CD72: variants seen among roughly 807,000 people sequenced by gnomAD.
CD72 encodes the protein CD72 molecule.
A neutral mutation model predicts 50.7 loss-of-function variants in CD72; 28 were observed. That is an observed-to-expected ratio of 0.55 (90% CI 0.41 to 0.76). The LOEUF (loss-of-function observed/expected upper bound fraction) is 0.76, where lower values mean the gene tolerates loss of function less well. CD72 is among the 30% of genes least tolerant of loss of function. The probability of loss-of-function intolerance (pLI) is 0.00; values close to 1 mark genes in which losing one functional copy is unlikely to be tolerated. For missense variants in CD72, 403 were observed against 420.6 expected, an observed-to-expected ratio of 0.96 and a Z score of 0.37; for synonymous variants, 176 against 171.2, an observed-to-expected ratio of 1.03 and a Z score of -0.22.
chr9:35,616,570 T>A, intron 4 of CD72, 30 bp downstream of exon 4: 1 of 1,558,562 alleles, frequency 6.4e-7, no homozygotes, highest in Non-Finnish European at 8.9e-7. Flanking sequence ...TCGTTCGGTG[T>A]AAGTGGGAAG....
At position 35,616,118 on chromosome 9, in the gene CD72, T is replaced by C; in HGVS notation, c.513A>G (p.Leu171=). 6.2e-7 allele frequency: 1 copy of C among 1,614,184 alleles called. No individual in the cohort carries two copies. The highest frequency in any genetic ancestry group is 8.5e-7 in the Non-Finnish European group (1 of 1,180,028). The change falls in exon 5 of 9, where the codon CTA becomes CTG. Residue 171 remains leucine (L), a synonymous_variant. Coordinates refer to ENST00000259633, the MANE Select transcript of CD72 (RefSeq NM_001782.3). The part of the protein sequence containing the change: ...RRELAQSQEA[L]QVEQRAHQAA... Reference sequence around the variant, plus strand: ...CCTGATGAGCCCTCTGTTCCACCTGTAGTGCTTCCTGACTCTGCGCCAGCT... The same window carrying C: ...CCTGATGAGCCCTCTGTTCCACCTGCAGTGCTTCCTGACTCTGCGCCAGCT...
chr9:35,610,386 C>T, intron 8 of CD72, 86 bp from the exon 9 acceptor site: 1 of 458,188 alleles, frequency 2.2e-6, no homozygotes, highest in Non-Finnish European at 3.9e-6. Context: ...CAGCTCTCGA[C>T]AGCCACACCA....
At chr9:35,619,091 T>G (rs1823115323), upstream of CD72, among the ~76,000 whole-genome samples, 1 of 152,100 alleles carries the variant, frequency 6.6e-6, no homozygotes, top group Non-Finnish European at 1.5e-5. Context: ...GTCTTGACAT[T>G]TTCTTGGTTT....
chr9:35,628,909 C>G (rs1344317717), intron 1 of CD72, among the ~76,000 whole-genome samples: 3 of 152,042 alleles, frequency 2.0e-5, no homozygotes, highest in African/African-American at 7.2e-5. Flanking sequence ...GGATCTTGCT[C>G]TGTTGCCCAG....
intron 1 of CD72, among the ~76,000 whole-genome samples, chr9:35,644,700 G>A (rs541241462): frequency 2.2e-4 from 34 of 152,248 alleles, no homozygotes; most frequent in Non-Finnish European, 3.5e-4. Context: ...TAACTCACAC[G>A]TTAAGTAGAA....
intron 8 of CD72, 51 bp downstream of exon 8, chr9:35,610,550 AG>A: frequency 7.1e-6 from 7 of 984,286 alleles, no homozygotes; most frequent in African/African-American, 1.8e-5. Flanking sequence ...CCCTGCTCTG[AG>A]TCCCTCTGCC....
At chr9:35,631,261 C>G (rs1206804322) in intron 1 of CD72, among the ~76,000 whole-genome samples, 1 of 151,866 alleles carries the variant, frequency 6.6e-6, no homozygotes, top group East Asian at 1.9e-4. Context: ...ATCATGTCAG[C>G]AGCAAAAAAG....
chr9:35,644,901 C>CAAAA (rs527855881), intron 1 of CD72, among the ~76,000 whole-genome samples: 1 of 106,994 alleles, frequency 9.3e-6, no homozygotes, highest in African/African-American at 3.6e-5. Context: ...TGACTGAAGC[C>CAAAA]AAAAAAAAAA....
chr9:35,618,134 G>T lies in CD72; in HGVS notation c.83-13C>A. The T allele has an allele frequency of 6.2e-7, 1 of 1,611,006 alleles. No homozygotes were observed. The highest frequency in any genetic ancestry group is 1.1e-5 in the South Asian group (1 of 91,014). On this transcript the variant is annotated splice_polypyrimidine_tract_variant and intron_variant, in intron 1 of 8. Coordinates refer to ENST00000259633, the MANE Select transcript of CD72 (RefSeq NM_001782.3). ...TCAGCCCCTGGGTCTAGAGAGAAGA[G>T]AAAAGGGACCAAGGTGGGATTTGGG...
upstream of CD72, among the ~76,000 whole-genome samples, chr9:35,622,573 G>T (rs1384489014): frequency 6.6e-6 from 1 of 152,002 alleles, no homozygotes; most frequent in Non-Finnish European, 1.5e-5. Context: ...CAGATCACAA[G>T]GTCAGAATTT....
At chr9:35,620,305 A>G (rs1228528245), upstream of CD72, among the ~76,000 whole-genome samples, 1 of 152,048 alleles carries the variant, frequency 6.6e-6, no homozygotes, top group Admixed American at 6.6e-5. Flanking sequence ...CGTCTCTACT[A>G]CAAAATACAA....
In CD72 at chr9:35,610,752, T is replaced by C. The variant is rs1822968176; in HGVS notation, c.952A>G (p.Thr318Ala). 1 of 1,611,206 alleles carries C rather than the reference T, an allele frequency of 6.2e-7. No individual in the cohort carries two copies. The highest frequency in any genetic ancestry group is 1.1e-5 in the South Asian group (1 of 91,036). The part of the protein sequence containing the change: ...KLTDDTQRTR[T>A]YAQSSKCNKV... ...TTACATTTTGAGCTTTGAGCATAAG[T>C]CCTAAAAAGTAGTAAGGTAGAGCTG... The change falls in exon 8 of 9, where the codon ACT becomes GCT. Residue 318 changes from threonine (T) to alanine (A), a missense_variant and splice_region_variant. Transcript: ENST00000259633.
chr9:35,616,468 C>T, intron 4 of CD72, 132 bp downstream of exon 4: 1 of 904,458 alleles, frequency 1.1e-6, no homozygotes, highest in South Asian at 1.4e-5. Flanking sequence ...ACAGCCCTGG[C>T]TGGAAACCAA....
intron 1 of CD72, among the ~76,000 whole-genome samples, chr9:35,633,763 T>C (rs529849409): frequency 6.6e-5 from 10 of 152,324 alleles, no homozygotes; most frequent in South Asian, 2.1e-4. Context: ...AGGATGGGAC[T>C]ACGTTCCGAA....
chr9:35,630,212 T>C (rs1228452879), intron 1 of CD72, among the ~76,000 whole-genome samples: 1 of 151,956 alleles, frequency 6.6e-6, no homozygotes, highest in African/African-American at 2.4e-5. Flanking sequence ...CTAATTTTTG[T>C]ATTTTTGTAG....
At chr9:35,640,235 G>A (rs1823326177) in intron 1 of CD72, among the ~76,000 whole-genome samples, 1 of 152,182 alleles carries the variant, frequency 6.6e-6, no homozygotes, top group Admixed American at 6.5e-5. Context: ...GCTGTACTTT[G>A]GGGGTCCCCA....
chr9:35,645,875 C>A (rs1364361113), intron 1 of CD72, among the ~76,000 whole-genome samples: 1 of 151,582 alleles, frequency 6.6e-6, no homozygotes, highest in Non-Finnish European at 1.5e-5. Flanking sequence ...TTCTTAAGAA[C>A]CTGGCCAGGC....
chr9:35,631,604 C>A (rs1187378749), intron 1 of CD72, among the ~76,000 whole-genome samples: 2 of 152,084 alleles, frequency 1.3e-5, no homozygotes, highest in Non-Finnish European at 2.9e-5. Context: ...GTTTAAACGG[C>A]ATAGAACGGC....
At chr9:35,617,610 C>G (rs1369661632) in intron 2 of CD72, among the ~76,000 whole-genome samples, 5 of 152,136 alleles carry the variant, frequency 3.3e-5, no homozygotes, top group African/African-American at 4.8e-5. Context: ...AACTCATCCC[C>G]CACAGGGCTG....
Sources: allele counts gnomAD v4.1 joint callset (sites outside exome capture counted in the v4.1 genomes callset), GRCh38; gene constraint gnomAD v4.1.1; transcripts MANE v1.5; gene names NCBI Gene and HGNC (gene_info 2026-07-23, HGNC 2026-07-21).